The following FCHSD2 variants were observed in gnomAD, a reference collection of about 807,000 sequenced individuals.
FCHSD2 encodes the protein F-BAR and double SH3 domains protein 2.
Under a neutral mutation model 108.1 loss-of-function variants are expected in FCHSD2, and 38 were observed. The ratio of observed to expected loss-of-function variants is 0.35; its 90% CI spans 0.27 to 0.46. FCHSD2 has a LOEUF of 0.46. FCHSD2 is among the 20% of genes least tolerant of loss of function. The pLI is 1.00. For synonymous variants in FCHSD2, 279 were observed against 314.7 expected, an observed-to-expected ratio of 0.89 and a Z score of 1.20; for missense variants, 751 against 897.8, an observed-to-expected ratio of 0.84 and a Z score of 2.09.
intron 2 of FCHSD2, among the ~76,000 whole-genome samples, chr11:73,093,131 T>C (rs928614600): frequency 6.6e-6 from 1 of 152,148 alleles, no homozygotes; most frequent in African/African-American, 2.4e-5. Flanking sequence ...CTTTCCTAAT[T>C]GGCAAGACTC....
chr11:73,044,316 A>G (rs1858706622), intron 3 of FCHSD2, among the ~76,000 whole-genome samples: 1 of 152,182 alleles, frequency 6.6e-6, no homozygotes. Flanking sequence ...GGTGTCTTAT[A>G]TCTGTAATCC....
rs3814729 is a variant in FCHSD2, at chr11:72,838,441, T to C, written c.*350A>G. ...TGGTCACAGTAATATACTGTACGAG[T>C]GCACATGATCAGTAATTTAGGGACT... On this transcript the variant is annotated 3_prime_UTR_variant, in exon 20 of 20. Transcript: ENST00000409418. 225 of 315,302 alleles carry C rather than the reference T, an allele frequency of 7.1e-4. 8 individuals carry two copies. In the East Asian group the frequency reaches 0.01, roughly 14 times the overall value. The allele number at this position is 315,302 out of a possible 1,614,324, so 19.5% of individuals were successfully genotyped here.
intron 3 of FCHSD2, among the ~76,000 whole-genome samples, chr11:73,052,293 T>C (rs966671633): frequency 2.0e-5 from 3 of 152,230 alleles, no homozygotes; most frequent in East Asian, 1.9e-4. Context: ...TATATTCTGA[T>C]GGTGCAATTG....
intron 2 of FCHSD2, among the ~76,000 whole-genome samples, chr11:73,094,392 G>C (rs992249338): frequency 1.3e-5 from 2 of 152,104 alleles, no homozygotes; most frequent in African/African-American, 4.8e-5. Flanking sequence ...CATTTATTTT[G>C]ATATAACAAT....
At chr11:72,909,811 A>G (rs1283352043) in intron 9 of FCHSD2, among the ~76,000 whole-genome samples, 189 of 85,180 alleles carry the variant, frequency 2.2e-3, no homozygotes, top group East Asian at 3.4e-3. Context: ...GCCCCGTCTG[A>G]GAAGTGAGGA....
At position 72,888,440 on chromosome 11, in the gene FCHSD2, T is replaced by C. The variant is rs547521724; in HGVS notation, c.1042-866A>G. Among the ~76,000 whole-genome samples the C allele has an allele frequency of 2.1e-4, 32 of 152,102 alleles. 1 individual carries two copies. The South Asian group carries it at 6.7e-3, about 32-fold the overall frequency. On this transcript the variant is annotated intron_variant, in intron 11 of 19. Coordinates refer to ENST00000409418, the MANE Select transcript of FCHSD2 (RefSeq NM_014824.3). Reference sequence around the variant, plus strand: ...CAAATGTAATGGGCTAAAAAGTAAGTGGGAGGTGAGATTCTATAGATAATA... The same window carrying C: ...CAAATGTAATGGGCTAAAAAGTAAGCGGGAGGTGAGATTCTATAGATAATA...
intron 13 of FCHSD2, among the ~76,000 whole-genome samples, chr11:72,857,870 AGG>A (rs2135184382): frequency 6.6e-6 from 1 of 152,216 alleles, no homozygotes; most frequent in East Asian, 1.9e-4. Flanking sequence ...CACAATCATG[AGG>A]TAGAAAGCAG....
intron 2 of FCHSD2, among the ~76,000 whole-genome samples, chr11:73,087,782 G>T (rs1486715366): frequency 2.0e-5 from 3 of 152,134 alleles, no homozygotes; most frequent in Non-Finnish European, 2.9e-5. Flanking sequence ...GCCTACAGCA[G>T]TATACATTAG....
intron 5 of FCHSD2, among the ~76,000 whole-genome samples, chr11:72,997,507 G>C (rs369441390): frequency 2.0e-5 from 3 of 151,900 alleles, no homozygotes; most frequent in African/African-American, 7.3e-5. Context: ...CAAAAATCAA[G>C]AAAAACCGCA....
chr11:72,842,439 A>G (rs1453095612), intron 17 of FCHSD2, among the ~76,000 whole-genome samples, 182 bp downstream of exon 17: 1 of 152,258 alleles, frequency 6.6e-6, no homozygotes, highest in Non-Finnish European at 1.5e-5. Flanking sequence ...GGATGGCCAC[A>G]TTCCACAAGG....
intron 3 of FCHSD2, among the ~76,000 whole-genome samples, chr11:73,062,889 C>T (rs1859201435): frequency 6.6e-6 from 1 of 152,116 alleles, no homozygotes; most frequent in East Asian, 1.9e-4. Context: ...GGAGAACTTC[C>T]CCAACCTAGC....
At chr11:72,858,664 G>A (rs1195896054) in intron 13 of FCHSD2, among the ~76,000 whole-genome samples, 2 of 152,106 alleles carry the variant, frequency 1.3e-5, no homozygotes, top group Admixed American at 1.3e-4. Context: ...TAACTAATGG[G>A]TATGAGGCTT....
At chr11:72,937,173 G>A (rs554602939) in intron 8 of FCHSD2, among the ~76,000 whole-genome samples, 13 of 152,272 alleles carry the variant, frequency 8.5e-5, no homozygotes, top group Admixed American at 8.5e-4. Context: ...CTTGATGAAG[G>A]AACTCTTAAG....
At chr11:72,874,103 T>A (rs755450456) in intron 12 of FCHSD2, among the ~76,000 whole-genome samples, 1 of 152,180 alleles carries the variant, frequency 6.6e-6, no homozygotes, top group Admixed American at 6.5e-5. Context: ...TAAAAAAAAA[T>A]TTAATGTGCC....
intron 8 of FCHSD2, among the ~76,000 whole-genome samples, chr11:72,940,256 T>C (rs1251994535): frequency 6.6e-6 from 1 of 152,190 alleles, no homozygotes; most frequent in Admixed American, 6.5e-5. Flanking sequence ...TGTGTTTATA[T>C]TATGCTTACC....
chr11:72,866,264 T>C (rs1361495014), intron 13 of FCHSD2, among the ~76,000 whole-genome samples: 1 of 151,740 alleles, frequency 6.6e-6, no homozygotes, highest in Non-Finnish European at 1.5e-5. Context: ...GTTTTTTGTT[T>C]TGTTTTGTTT....
Position 73,142,233 on chromosome 11 carries a change from C to G in FCHSD2, c.-356G>C, listed in dbSNP as rs538289411. On this transcript the variant is annotated 5_prime_UTR_variant, in exon 1 of 20. Transcript: ENST00000409418. ...GCGGGTTAGCCGCAGCCGCGTTGTC[C>G]GCGCTCCCGGTCGGCCGCCTGCGCC... 1.0e-4 allele frequency: 16 copies of G among 158,232 alleles called. No homozygotes were observed. Among genetic ancestry groups the G allele is most frequent in the Non-Finnish European group, 2.1e-4 (15 of 72,604 alleles). The allele number at this position is 158,232 out of a possible 1,614,324, so 9.8% of individuals were successfully genotyped here.
At position 73,000,898 on chromosome 11, in the gene FCHSD2, T is replaced by C. The variant is rs1343805376; in HGVS notation, c.387+92A>G. On this transcript the variant is annotated intron_variant, in intron 5 of 19. Coordinates refer to ENST00000409418, the MANE Select transcript of FCHSD2 (RefSeq NM_014824.3). ...TCAACCAGAAACATATGGGACCATA[T>C]AGTTTTAAATAAAATTTAGCATAAC... The C allele has an allele frequency of 9.0e-6, 10 of 1,110,106 alleles. 1 individual carries two copies. The highest frequency in any genetic ancestry group is 7.8e-5 in the South Asian group (5 of 64,186). 68.8% of individuals were successfully genotyped at this position (1,110,106 alleles called of 1,614,324 possible).
intron 8 of FCHSD2, among the ~76,000 whole-genome samples, chr11:72,939,819 A>G (rs1856379595): frequency 6.6e-6 from 1 of 151,148 alleles, no homozygotes; most frequent in Admixed American, 6.6e-5. Context: ...GGGTTTCACC[A>G]TGTTTGTCAG....
Sources: allele counts gnomAD v4.1 joint callset (sites outside exome capture counted in the v4.1 genomes callset), GRCh38; gene constraint gnomAD v4.1.1; transcripts MANE v1.5; gene names NCBI Gene and HGNC (gene_info 2026-07-23, HGNC 2026-07-21).